Variants in PLCG2 observed in about 807,000 individuals in gnomAD.
PLCG2 encodes 1-phosphatidylinositol 4,5-bisphosphate phosphodiesterase gamma-2.
In PLCG2, 69 loss-of-function variants were observed where a neutral mutation model predicts 175.6. The observed-to-expected ratio is 0.39, with a 90% CI of 0.32 to 0.48. The LOEUF (loss-of-function observed/expected upper bound fraction) is 0.48. PLCG2 is among the 20% of genes least tolerant of loss of function. PLCG2 has a pLI of 0.91. For missense variants in PLCG2, 1,798 were observed against 1,650.9 expected (o/e 1.09, Z -1.54); for synonymous variants, 827 against 624.0 (o/e 1.33, Z -4.85).
intron 17 of PLCG2, among the ~76,000 whole-genome samples, chr16:81,909,769 C>G (rs1360610137): frequency 1.3e-5 from 2 of 152,154 alleles, no homozygotes; most frequent in African/African-American, 4.8e-5. Flanking sequence ...ATGATGCTTA[C>G]CATGTGCTGG....
Position 81,818,544 on chromosome 16 carries a change from C to G in PLCG2, c.193+32362C>G, listed in dbSNP as rs190804097. On this transcript the variant is annotated intron_variant, in intron 2 of 32. Transcript: ENST00000564138. Reference sequence around the variant, plus strand: ...ACTCATCGGCTGCACGGAAATGGAGCTCCGAAGGCCTGAGCTTCAGGAATT... The same window carrying G: ...ACTCATCGGCTGCACGGAAATGGAGGTCCGAAGGCCTGAGCTTCAGGAATT... 1.4e-4 allele frequency among the ~76,000 whole-genome samples: 21 copies of G among 152,150 alleles called. No individual in the cohort carries two copies. In the East Asian group the frequency reaches 2.9e-3, roughly 21 times the overall value.
chr16:81,952,546 G>A (rs2143770562), intron 31 of PLCG2, among the ~76,000 whole-genome samples: 1 of 152,276 alleles, frequency 6.6e-6, no homozygotes, highest in South Asian at 2.1e-4. Flanking sequence ...AATGGTGGAA[G>A]CACATCAAAG....
rs151029652 is a variant in PLCG2 at position 81,898,049 on chromosome 16, T to C, written c.1193+2122T>C. 4.0e-3 allele frequency: 1,384 copies of C among 343,578 alleles called. 14 individuals are homozygous for C. Among genetic ancestry groups the C allele is most frequent in the African/African-American group, 0.028 (1,283 of 45,704 alleles). 21.3% of individuals were successfully genotyped at this position (343,578 alleles called of 1,614,324 possible). On this transcript the variant is annotated intron_variant, in intron 13 of 32. Coordinates refer to ENST00000564138, the MANE Select transcript of PLCG2 (RefSeq NM_002661.5). ...CCTCCATCAGGCAGATGGAAGGAGCTGGTATTAACAGACACTGTGCAGTGG... is the reference window on the plus strand; with the variant it reads ...CCTCCATCAGGCAGATGGAAGGAGCCGGTATTAACAGACACTGTGCAGTGG...
chr16:81,778,050 A>ACCC (rs1567457819), upstream of PLCG2, among the ~76,000 whole-genome samples: 1 of 103,946 alleles, frequency 9.6e-6, no homozygotes, highest in African/African-American at 4.9e-5. Context: ...AAACAAAAAA[A>ACCC]AAAACAAAAA....
intron 24 of PLCG2, 74 bp from the exon 25 acceptor site, chr16:81,931,423 C>G: frequency 6.8e-7 from 1 of 1,461,768 alleles, no homozygotes; most frequent in South Asian, 1.2e-5. Flanking sequence ...AGAAACAGCT[C>G]AGGCAGGGTG....
intron 13 of PLCG2, chr16:81,897,863 G>A (rs1235362938): frequency 4.4e-6 from 2 of 455,730 alleles, no homozygotes; most frequent in Non-Finnish European, 4.4e-6. Context: ...TATTTTTATT[G>A]CATTTACTGC....
chr16:81,815,015 A>G (rs1202040584), intron 2 of PLCG2, among the ~76,000 whole-genome samples: 1 of 152,252 alleles, frequency 6.6e-6, no homozygotes, highest in African/African-American at 2.4e-5. Flanking sequence ...TGCTTGTTCC[A>G]GTGGCTGTTC....
intron 1 of PLCG2, among the ~76,000 whole-genome samples, chr16:81,782,062 G>A (rs948014887): frequency 5.3e-5 from 8 of 152,040 alleles, no homozygotes; most frequent in Admixed American, 6.5e-5. Context: ...TTTTTTAGTA[G>A]AGACGGGGTT....
intron 13 of PLCG2, among the ~76,000 whole-genome samples, chr16:81,896,403 C>G (rs2143617228): frequency 7.0e-6 from 1 of 141,966 alleles, no homozygotes; most frequent in East Asian, 2.1e-4. Flanking sequence ...CACACACACA[C>G]ACACACACAC....
intron 7 of PLCG2, among the ~76,000 whole-genome samples, chr16:81,878,209 C>A (rs113539756): frequency 1.1e-3 from 172 of 152,022 alleles, no homozygotes; most frequent in African/African-American, 3.9e-3. Flanking sequence ...TGGTCTCCAT[C>A]TCCTGACCTA....
chr16:81,873,568 A>G (rs62046758), intron 7 of PLCG2, among the ~76,000 whole-genome samples: 1 of 150,946 alleles, frequency 6.6e-6, no homozygotes, highest in African/African-American at 2.4e-5. Context: ...TTTTTTTTTA[A>G]TAATAGTTTA....
intron 31 of PLCG2, among the ~76,000 whole-genome samples, chr16:81,948,627 T>G (rs1451460333): frequency 1.3e-5 from 2 of 152,218 alleles, no homozygotes; most frequent in East Asian, 3.9e-4. Flanking sequence ...GACTGGGAGC[T>G]GCACTCTGGC....
chr16:81,801,367 G>A (rs1236329839), intron 2 of PLCG2, among the ~76,000 whole-genome samples: 1 of 152,008 alleles, frequency 6.6e-6, no homozygotes, highest in Admixed American at 6.6e-5. Flanking sequence ...AATATGTTTT[G>A]CAGGTCTTTA....
At chr16:81,840,184 C>T (rs539185886) in intron 2 of PLCG2, among the ~76,000 whole-genome samples, 26 of 152,308 alleles carry the variant, frequency 1.7e-4, no homozygotes, top group South Asian at 8.3e-4. Context: ...CGGCAATCAA[C>T]GAAGGGCGAT....
At chr16:81,741,129 C>G (rs1049155836) in intron 1 of PLCG2, among the ~76,000 whole-genome samples, 5 of 152,216 alleles carry the variant, frequency 3.3e-5, no homozygotes, top group Non-Finnish European at 5.9e-5. Flanking sequence ...AGCCTCACAC[C>G]GAGACACTGG....
chr16:81,854,614 C>G (rs749779103), intron 3 of PLCG2, 27 bp downstream of exon 3: 21 of 1,607,328 alleles, frequency 1.3e-5, no homozygotes, highest in Non-Finnish European at 3.4e-6. Context: ...GTGCCTTTCT[C>G]CTTCCCTGTG....
intron 14 of PLCG2, 40 bp from the exon 15 acceptor site, chr16:81,905,363 G>T (rs767800309): frequency 6.9e-7 from 1 of 1,454,306 alleles, no homozygotes; most frequent in South Asian, 1.2e-5. Flanking sequence ...CTAAACTTGG[G>T]TCTCCATGGA....
chr16:81,852,450 T>A (rs1404783187), intron 2 of PLCG2, among the ~76,000 whole-genome samples: 1 of 150,042 alleles, frequency 6.7e-6, no homozygotes, highest in African/African-American at 2.4e-5. Flanking sequence ...GTTGTTGTAG[T>A]TTTTCAGAAG....
chr16:81,753,256 AG>A (rs779618800), intron 1 of PLCG2, among the ~76,000 whole-genome samples: 17 of 151,174 alleles, frequency 1.1e-4, no homozygotes, highest in Non-Finnish European at 2.4e-4. Flanking sequence ...TCCCACTCAC[AG>A]CCCCATTGAG....
Sources: gnomAD v4.1 joint callset for allele counts (sites outside exome capture counted in the v4.1 genomes callset) on GRCh38, gnomAD v4.1.1 for gene constraint, MANE v1.5 for transcripts, NCBI Gene and HGNC (gene_info 2026-07-23, HGNC 2026-07-21) for gene names.